The following STPG2 variants were observed in gnomAD, a reference collection of about 807,000 sequenced individuals.
STPG2 encodes the protein sperm-tail PG-rich repeat-containing protein 2.
A neutral mutation model predicts 54.2 loss-of-function variants in STPG2; 56 were observed. That is an observed-to-expected ratio of 1.03 (90% CI 0.83 to 1.29). The LOEUF (loss-of-function observed/expected upper bound fraction) is 1.29, where lower values mean the gene tolerates loss of function less well. STPG2 is among the 50% of genes most tolerant of loss of function. The probability of loss-of-function intolerance (pLI) is 0.00; values close to 1 mark genes in which losing one functional copy is unlikely to be tolerated. For missense variants in STPG2, 596 were observed against 544.9 expected, an observed-to-expected ratio of 1.09 and a Z score of -0.93; for synonymous variants, 200 against 181.8, an observed-to-expected ratio of 1.10 and a Z score of -0.81.
At chr4:98,120,411 C>A (rs1739646234) in intron 3 of STPG2, among the ~76,000 whole-genome samples, 1 of 152,094 alleles carries the variant, frequency 6.6e-6, no homozygotes, top group African/African-American at 2.4e-5. Flanking sequence ...GATTTATATT[C>A]CTCTGGGTAT....
intron 3 of STPG2, among the ~76,000 whole-genome samples, chr4:98,113,709 G>A (rs968365536): frequency 4.0e-5 from 6 of 151,786 alleles, no homozygotes; most frequent in Non-Finnish European, 8.8e-5. Context: ...TACAAGTAGG[G>A]ATTCTAATTT....
chr4:97,634,009 G>A (rs186122305), intron 10 of STPG2, among the ~76,000 whole-genome samples: 2,126 of 152,230 alleles, frequency 0.014, 49 homozygotes, highest in African/African-American at 0.048. Flanking sequence ...GGAGGCCTGC[G>A]TGCCTCTCTA....
intron 10 of STPG2, among the ~76,000 whole-genome samples, chr4:97,690,785 G>C (rs1723339284): frequency 6.6e-6 from 1 of 152,018 alleles, no homozygotes; most frequent in South Asian, 2.1e-4. Context: ...ATTAAAAAAA[G>C]AAAGAAACAG....
intron 4 of STPG2, among the ~76,000 whole-genome samples, chr4:97,515,765 T>C (rs1385940980): frequency 6.6e-6 from 1 of 152,070 alleles, no homozygotes; most frequent in African/African-American, 2.4e-5. Context: ...CTATGTTTCC[T>C]TTATACAGAC....
intron 9 of STPG2, among the ~76,000 whole-genome samples, chr4:97,818,313 CTA>C (rs1467211472): frequency 6.6e-6 from 1 of 151,888 alleles, no homozygotes; most frequent in African/African-American, 2.4e-5. Flanking sequence ...CCTATAAATA[CTA>C]TGTTTTTTCC....
At chr4:98,084,437 T>C (rs1738445976) in intron 5 of STPG2, among the ~76,000 whole-genome samples, 1 of 152,252 alleles carries the variant, frequency 6.6e-6, no homozygotes. Context: ...TTTGTATAAG[T>C]ATTTGGTGAA....
intron 10 of STPG2, among the ~76,000 whole-genome samples, chr4:97,705,448 C>G (rs984584095): frequency 3.3e-5 from 5 of 152,014 alleles, no homozygotes; most frequent in African/African-American, 7.3e-5. Flanking sequence ...GTCTCTGCCT[C>G]CTAAGCAGCT....
intron 10 of STPG2, among the ~76,000 whole-genome samples, chr4:97,631,538 T>A (rs1472119118): frequency 2.0e-5 from 3 of 152,130 alleles, no homozygotes; most frequent in Non-Finnish European, 4.4e-5. Context: ...TAGATAATCA[T>A]CAGGTTAGTT....
intron 4 of STPG2, among the ~76,000 whole-genome samples, chr4:97,449,522 G>C (rs1729312528): frequency 6.6e-6 from 1 of 151,910 alleles, no homozygotes; most frequent in Non-Finnish European, 1.5e-5. Context: ...CAAATTTTTT[G>C]CAAAAAGGAG....
intron 9 of STPG2, among the ~76,000 whole-genome samples, chr4:97,838,627 G>A (rs1035135127): frequency 7.3e-5 from 11 of 151,368 alleles, no homozygotes; most frequent in African/African-American, 2.7e-4. Flanking sequence ...ATGTAACAGA[G>A]TCTAGACAAA....
At chr4:97,957,647 C>A (rs1228983151) in intron 7 of STPG2, among the ~76,000 whole-genome samples, 1 of 152,004 alleles carries the variant, frequency 6.6e-6, no homozygotes, top group Non-Finnish European at 1.5e-5. Flanking sequence ...AGGAAAAAAA[C>A]AATCTTAAGA....
chr4:97,627,736 AAAACC>A (rs1734170618), intron 10 of STPG2, among the ~76,000 whole-genome samples: 2 of 152,324 alleles, frequency 1.3e-5, no homozygotes, highest in East Asian at 3.9e-4. Context: ...ACAGAGAAAC[AAAACC>A]AATAGTAAAT....
At chr4:98,016,898 G>A (rs1449065302) in intron 5 of STPG2, among the ~76,000 whole-genome samples, 1 of 152,178 alleles carries the variant, frequency 6.6e-6, no homozygotes, top group Non-Finnish European at 1.5e-5. Context: ...TTACAAACAA[G>A]CTTCAGCAGG....
At chr4:97,943,079 G>A (rs1051265517) in intron 8 of STPG2, among the ~76,000 whole-genome samples, 22 of 152,094 alleles carry the variant, frequency 1.4e-4, no homozygotes, top group African/African-American at 5.1e-4. Flanking sequence ...TATCTGGAGA[G>A]GCCCTGCTTC....
chr4:97,615,117 T>A (rs1733825505), intron 10 of STPG2, among the ~76,000 whole-genome samples: 1 of 152,152 alleles, frequency 6.6e-6, no homozygotes, highest in African/African-American at 2.4e-5. Context: ...ATTCTTCCAC[T>A]CAAGCATCGC....
chr4:97,851,927 C>T (rs1025668671), intron 8 of STPG2, among the ~76,000 whole-genome samples: 1 of 152,162 alleles, frequency 6.6e-6, no homozygotes, highest in African/African-American at 2.4e-5. Flanking sequence ...GCTACTGAGG[C>T]AGAGAATAAG....
chr4:98,128,724 G>A, intron 2 of STPG2, 132 bp from the exon 3 acceptor site: 7 of 724,040 alleles, frequency 9.7e-6, no homozygotes, highest in Non-Finnish European at 1.5e-5. Context: ...AAACAAAAAT[G>A]TTTGTTTTGT....
At chr4:97,455,301 C>T (rs1729487111) in intron 4 of STPG2, among the ~76,000 whole-genome samples, 1 of 152,162 alleles carries the variant, frequency 6.6e-6, no homozygotes, top group Non-Finnish European at 1.5e-5. Context: ...TAGGTAAAGA[C>T]AGGCATTTGT....
intron 8 of STPG2, among the ~76,000 whole-genome samples, chr4:97,856,714 G>C (rs1729349130): frequency 6.6e-6 from 1 of 152,156 alleles, no homozygotes; most frequent in South Asian, 2.1e-4. Flanking sequence ...GAAGTGGTGA[G>C]AGAGGGCATC....
Sources: allele counts gnomAD v4.1 joint callset (sites outside exome capture counted in the v4.1 genomes callset), GRCh38; gene constraint gnomAD v4.1.1; transcripts MANE v1.5; gene names NCBI Gene and HGNC (gene_info 2026-07-23, HGNC 2026-07-21).